ZNF710: variants seen among roughly 807,000 people sequenced by gnomAD.
ZNF710 encodes the protein zinc finger protein 710.
Under a neutral mutation model 50.6 loss-of-function variants are expected in ZNF710, and 13 were observed. The ratio of observed to expected loss-of-function variants is 0.26; its 90% CI spans 0.17 to 0.41. ZNF710 has a LOEUF of 0.41. Ranked by LOEUF, ZNF710 falls within the 10% of genes least tolerant of loss-of-function variation. The pLI, the probability that ZNF710 is intolerant of heterozygous loss-of-function variation, is 1.00. For missense variants in ZNF710, 721 were observed against 936.6 expected (o/e 0.77, Z 3.01); for synonymous variants, 383 against 397.0 (o/e 0.96, Z 0.42).
chr15:90,025,287 ACT>A (rs976636600), intron 1 of ZNF710: 9 of 151,690 alleles, frequency 5.9e-5, no homozygotes, highest in African/African-American at 2.2e-4. Context: ...GGCTTCCTTC[ACT>A]CTCTGGCCAG....
intron 1 of ZNF710, among the ~76,000 whole-genome samples, chr15:90,007,762 A>G (rs2151459454): frequency 6.6e-6 from 1 of 151,650 alleles, no homozygotes; most frequent in South Asian, 2.1e-4. Context: ...GGCAAGCAGG[A>G]CTAGGGGCGA....
At chr15:90,005,999 T>C (rs921560507) in intron 1 of ZNF710, among the ~76,000 whole-genome samples, 1 of 152,152 alleles carries the variant, frequency 6.6e-6, no homozygotes, top group African/African-American at 2.4e-5. Flanking sequence ...GTCATATGTC[T>C]CTGCCCATGC....
chr15:90,005,086 AGACCTGAACT>A (rs1007608188), intron 1 of ZNF710, among the ~76,000 whole-genome samples: 3 of 152,250 alleles, frequency 2.0e-5, no homozygotes, highest in African/African-American at 7.2e-5. Flanking sequence ...TAAGGACCCA[AGACCTGAACT>A]GATTTCCATC....
At chr15:90,075,484 G>A (rs1046898543) in intron 4 of ZNF710, 3 of 152,136 alleles carry the variant, frequency 2.0e-5, no homozygotes, top group Non-Finnish European at 4.4e-5. Flanking sequence ...ATCGGACCAC[G>A]GCACTCCAGC....
intron 2 of ZNF710, among the ~76,000 whole-genome samples, chr15:90,070,638 C>T (rs887234174): frequency 2.0e-5 from 3 of 151,502 alleles, no homozygotes; most frequent in African/African-American, 7.3e-5. Flanking sequence ...CAGAGCAAGA[C>T]TCTATCTCAA....
intron 1 of ZNF710, among the ~76,000 whole-genome samples, chr15:90,031,688 G>A (rs532607147): frequency 1.3e-5 from 2 of 152,070 alleles, no homozygotes; most frequent in Non-Finnish European, 2.9e-5. Context: ...ATGCAGCAGG[G>A]GCATCTTCAG....
chr15:90,030,864 A>G (rs1049099001), intron 1 of ZNF710, among the ~76,000 whole-genome samples: 1 of 151,730 alleles, frequency 6.6e-6, no homozygotes, highest in Non-Finnish European at 1.5e-5. Context: ...AAAAAAATAC[A>G]AAAAATTAGC....
chr15:90,066,623 C>T (rs534809299), intron 1 of ZNF710, among the ~76,000 whole-genome samples: 3 of 151,912 alleles, frequency 2.0e-5, no homozygotes, highest in East Asian at 1.9e-4. Context: ...TTACAGGTGC[C>T]GGCCACCACG....
intron 1 of ZNF710, among the ~76,000 whole-genome samples, chr15:90,046,618 G>C (rs1412197543): frequency 6.6e-6 from 1 of 152,156 alleles, no homozygotes; most frequent in African/African-American, 2.4e-5. Context: ...CCCAGGTAGA[G>C]GAAGAGTGTC....
At chr15:90,003,464 T>C (rs1400072722) in intron 1 of ZNF710, among the ~76,000 whole-genome samples, 1 of 152,110 alleles carries the variant, frequency 6.6e-6, no homozygotes, top group Non-Finnish European at 1.5e-5. Context: ...TTTGTACACG[T>C]GTAAGTAAAA....
chr15:90,030,731 A>G (rs1023294916), intron 1 of ZNF710, among the ~76,000 whole-genome samples: 19 of 151,786 alleles, frequency 1.3e-4, no homozygotes, highest in Admixed American at 5.3e-4. Context: ...AAAAAAAAAA[A>G]ATTGGCTGGG....
At chr15:90,035,052 T>C (rs1457127151) in intron 1 of ZNF710, among the ~76,000 whole-genome samples, 1 of 152,186 alleles carries the variant, frequency 6.6e-6, no homozygotes, top group East Asian at 1.9e-4. Context: ...TACTGGGATT[T>C]TGGATCCCTT....
In ZNF710 at chr15:90,046,357, T is replaced by C. The variant is rs573789983; in HGVS notation, c.-28-20753T>C. On this transcript the variant is annotated intron_variant, in intron 1 of 4. Coordinates refer to ENST00000268154, the MANE Select transcript of ZNF710 (RefSeq NM_198526.4). ...GTTAGCAGATGTAGAGTGGAAACAG[T>C]ACAGCTCACAGCCAAGTGCTGTGTA... 8.1e-4 allele frequency among the ~76,000 whole-genome samples: 123 copies of C among 152,300 alleles called. 2 individuals are homozygous for C. In the South Asian group the frequency reaches 0.025, roughly 31 times the overall value.
intron 1 of ZNF710, among the ~76,000 whole-genome samples, chr15:90,008,453 T>TACATATATATATATAC (rs1898208603): frequency 4.7e-5 from 6 of 127,924 alleles, no homozygotes; most frequent in African/African-American, 2.2e-4. Context: ...TATATATATA[T>TACATATATATATATAC]GTATATATAT....
At chr15:89,999,450 G>C (rs1182231274), upstream of ZNF710, among the ~76,000 whole-genome samples, 1 of 152,238 alleles carries the variant, frequency 6.6e-6, no homozygotes, top group East Asian at 1.9e-4. Context: ...GGTGTACTAA[G>C]TGGGAGGCTG....
chr15:90,041,042 C>T (rs992356844), intron 1 of ZNF710, among the ~76,000 whole-genome samples: 4 of 152,262 alleles, frequency 2.6e-5, no homozygotes, highest in South Asian at 2.1e-4. Flanking sequence ...GTTCTCACTG[C>T]GTTACTTTTC....
chr15:90,046,924 A>G (rs566072676), intron 1 of ZNF710, among the ~76,000 whole-genome samples: 3 of 152,258 alleles, frequency 2.0e-5, no homozygotes, highest in Admixed American at 6.5e-5. Flanking sequence ...GCCTGGGCCC[A>G]GGGGAGGAGG....
chr15:90,053,316 A>G (rs181779189), intron 1 of ZNF710, among the ~76,000 whole-genome samples: 8 of 150,946 alleles, frequency 5.3e-5, no homozygotes, highest in African/African-American at 1.7e-4. Flanking sequence ...GGGGTGGTGA[A>G]TGGTTGGGTT....
rs1002539760 is a variant in ZNF710, at chr15:90,031,992, A to T, written c.-29+30378A>T. On this transcript the variant is annotated intron_variant, in intron 1 of 4. Transcript: ENST00000268154. ...ACTAACATTATATTGTGTACTGAGT[A>T]TTGACTGTGAATTTCTGTTTTTTTG... Among the ~76,000 whole-genome samples, 17 of 152,292 alleles carry T rather than the reference A, an allele frequency of 1.1e-4. 1 individual carries two copies. The highest frequency in any genetic ancestry group is 3.9e-4 in the Admixed American group (6 of 15,296).
Sources: gnomAD v4.1 joint callset for allele counts (sites outside exome capture counted in the v4.1 genomes callset) on GRCh38, gnomAD v4.1.1 for gene constraint, MANE v1.5 for transcripts, NCBI Gene and HGNC (gene_info 2026-07-23, HGNC 2026-07-21) for gene names.